TXLNB: variants seen among roughly 807,000 people sequenced by gnomAD.
The protein encoded by TXLNB is taxilin beta.
TXLNB carries 37 observed loss-of-function variants against 57.4 expected under a neutral mutation model. The observed-to-expected ratio is 0.64, with a 90% CI of 0.50 to 0.85. The LOEUF is 0.85. TXLNB is among the 40% of genes least tolerant of loss of function. The pLI, the probability that TXLNB is intolerant of heterozygous loss-of-function variation, is 0.00. For missense variants in TXLNB, 848 were observed against 825.6 expected, an observed-to-expected ratio of 1.03 and a Z score of -0.33; for synonymous variants, 302 against 309.6, an observed-to-expected ratio of 0.98 and a Z score of 0.26.
the TXLNB span, among the ~76,000 whole-genome samples, chr6:139,310,739 G>A: frequency 6.6e-6 from 1 of 152,314 alleles, no homozygotes; most frequent in Admixed American, 6.5e-5. Context: ...CTGTCGCCCA[G>A]GCTGGAGTGC....
At chr6:139,190,274 G>A in the TXLNB span, among the ~76,000 whole-genome samples, 3 of 150,476 alleles carry the variant, frequency 2.0e-5, no homozygotes, top group Non-Finnish European at 4.4e-5. Flanking sequence ...CAACAGATTT[G>A]GTGTCTGGTT....
chr6:139,257,702 C>A (rs1776379413), intron 6 of TXLNB, among the ~76,000 whole-genome samples: 1 of 151,684 alleles, frequency 6.6e-6, no homozygotes, highest in Non-Finnish European at 1.5e-5. Flanking sequence ...TAAAATTTCC[C>A]ACTTTTAGTT....
intron 4 of TXLNB, among the ~76,000 whole-genome samples, chr6:139,263,684 A>ATTCTTC (rs936338277): frequency 2.0e-5 from 3 of 151,830 alleles, no homozygotes; most frequent in Non-Finnish European, 2.9e-5. Flanking sequence ...TGCGATTGTT[A>ATTCTTC]TTCTTTTTGA....
At chr6:139,315,364 T>G in the TXLNB span, among the ~76,000 whole-genome samples, 1 of 152,218 alleles carries the variant, frequency 6.6e-6, no homozygotes, top group Non-Finnish European at 1.5e-5. Context: ...GCCATTGCAA[T>G]TGCCCTGTCT....
chr6:139,187,514 C>T, the TXLNB span, among the ~76,000 whole-genome samples: 9 of 139,704 alleles, frequency 6.4e-5, no homozygotes, highest in Non-Finnish European at 9.4e-5. Context: ...GTTATCAAAA[C>T]AGTATTTTTT....
the TXLNB span, chr6:139,178,828 C>G: frequency 1.3e-5 from 2 of 152,238 alleles, no homozygotes; most frequent in African/African-American, 2.4e-5. Flanking sequence ...CCTGCCTCGG[C>G]CTCCCAAAGT....
the TXLNB span, among the ~76,000 whole-genome samples, chr6:139,322,458 G>A: frequency 6.6e-6 from 1 of 152,120 alleles, no homozygotes. Context: ...CATAAAAGCA[G>A]AGCCTTCATG....
At position 139,268,716 on chromosome 6, in the gene TXLNB, T is replaced by C. The variant is rs181870573; in HGVS notation, c.687+1740A>G. ...CATGAAGATTAAATGAAATAATGTA[T>C]ATAAAGCACTTAGCATAACTTCTGG... is the stretch of plus-strand genomic sequence containing the variant. On this transcript the variant is annotated intron_variant, in intron 4 of 9. Coordinates refer to ENST00000358430, the MANE Select transcript of TXLNB (RefSeq NM_153235.4). Among the ~76,000 whole-genome samples the C allele has an allele frequency of 6.6e-5, 10 of 152,296 alleles. No individual in the cohort carries two copies. In the South Asian group the frequency reaches 1.4e-3, roughly 22 times the overall value.
At chr6:139,174,665 TTGTAA>T in the TXLNB span, 3 of 1,369,220 alleles carry the variant, frequency 2.2e-6, no homozygotes, top group Non-Finnish European at 2.9e-6. Flanking sequence ...GAGTTACTAC[TTGTAA>T]TGTAGTCATT....
At chr6:139,190,561 G>A in the TXLNB span, among the ~76,000 whole-genome samples, 4 of 151,870 alleles carry the variant, frequency 2.6e-5, no homozygotes, top group Non-Finnish European at 4.4e-5. Context: ...TGCTCACCTC[G>A]GCCTCCCAAA....
chr6:139,208,108 G>C, the TXLNB span, among the ~76,000 whole-genome samples: 1 of 151,920 alleles, frequency 6.6e-6, no homozygotes. Flanking sequence ...AGAGAAACTG[G>C]AAATATTACA....
At chr6:139,169,672 C>T in the TXLNB span, 1 of 152,182 alleles carries the variant, frequency 6.6e-6, no homozygotes, top group Non-Finnish European at 1.5e-5. Flanking sequence ...AATGGCTTGT[C>T]TGTGTTCCAT....
intron 7 of TXLNB, 157 bp downstream of exon 7, chr6:139,255,407 G>A (rs41289819): frequency 0.16 from 113,495 of 698,452 alleles, 13,335 homozygotes; most frequent in African/African-American, 0.49. Flanking sequence ...ATTTTTACTT[G>A]AAAATATGAA....
At chr6:139,253,876 A>G (rs546941398) in intron 7 of TXLNB, among the ~76,000 whole-genome samples, 1 of 152,268 alleles carries the variant, frequency 6.6e-6, no homozygotes, top group South Asian at 2.1e-4. Flanking sequence ...TTCAAGTATT[A>G]TTTATTGTTC....
chr6:139,274,968 T>C (rs1776857338), intron 3 of TXLNB, among the ~76,000 whole-genome samples: 1 of 152,200 alleles, frequency 6.6e-6, no homozygotes, highest in Admixed American at 6.5e-5. Context: ...ACCTAAATTA[T>C]TTTTATGGTA....
chr6:139,161,102 G>A, the TXLNB span, among the ~76,000 whole-genome samples: 8 of 152,074 alleles, frequency 5.3e-5, no homozygotes, highest in Admixed American at 3.9e-4. Context: ...TGTTTGAACC[G>A]AGCCTTGAAG....
At chr6:139,201,277 G>A in the TXLNB span, among the ~76,000 whole-genome samples, 33 of 152,142 alleles carry the variant, frequency 2.2e-4, no homozygotes, top group Non-Finnish European at 3.4e-4. Flanking sequence ...GGCCCCAATA[G>A]AACAGACAGA....
chr6:139,199,513 T>C, the TXLNB span, among the ~76,000 whole-genome samples: 1 of 152,302 alleles, frequency 6.6e-6, no homozygotes, highest in South Asian at 2.1e-4. Flanking sequence ...AGACAGACCA[T>C]TGCTCAAGTG....
chr6:139,282,467 C>G (rs1304064499), intron 2 of TXLNB, among the ~76,000 whole-genome samples: 2 of 145,120 alleles, frequency 1.4e-5, no homozygotes, highest in African/African-American at 2.5e-5. Flanking sequence ...ATCCTAGCTA[C>G]ATGGGAGACT....
Sources: gnomAD v4.1 joint callset for allele counts (sites outside exome capture counted in the v4.1 genomes callset) on GRCh38, gnomAD v4.1.1 for gene constraint, MANE v1.5 for transcripts, NCBI Gene and HGNC (gene_info 2026-07-23, HGNC 2026-07-21) for gene names.